SPMIP4: variants seen among roughly 807,000 people sequenced by gnomAD.
The protein encoded by SPMIP4 is sperm-associated microtubule inner protein 4.
At chr7:25,131,248 G>A in the SPMIP4 span, among the ~76,000 whole-genome samples, 1 of 152,304 alleles carries the variant, frequency 6.6e-6, no homozygotes, top group Admixed American at 6.5e-5. This position sits in a 1 kb window ranked among gnomAD's most constrained non-coding sequence, Gnocchi z 4.2. Context: ...GGACCATCTA[G>A]ATGCAAGAAA....
At chr7:25,127,533 C>A in the SPMIP4 span, among the ~76,000 whole-genome samples, 1 of 152,102 alleles carries the variant, frequency 6.6e-6, no homozygotes. Context: ...CTGCTAGATT[C>A]TTTTTAATTG....
At chr7:25,171,292 C>G in the SPMIP4 span, among the ~76,000 whole-genome samples, 3 of 152,154 alleles carry the variant, frequency 2.0e-5, no homozygotes. Context: ...TCTACTGGCT[C>G]ACTGTTGTAA....
chr7:25,128,506 T>C, the SPMIP4 span, among the ~76,000 whole-genome samples: 2 of 152,248 alleles, frequency 1.3e-5, no homozygotes, highest in Non-Finnish European at 2.9e-5. The surrounding 1 kb of genome is among the most constrained non-coding windows in gnomAD (Gnocchi z 4.5). Context: ...TAGTACTTCC[T>C]GGCTATGCCA....
the SPMIP4 span, among the ~76,000 whole-genome samples, chr7:25,164,379 C>G: frequency 6.6e-6 from 1 of 152,116 alleles, no homozygotes; most frequent in South Asian, 2.1e-4. Context: ...GGATATTACA[C>G]AATGATGGGG....
chr7:25,137,626 T>C, the SPMIP4 span, among the ~76,000 whole-genome samples: 2 of 152,182 alleles, frequency 1.3e-5, no homozygotes, highest in African/African-American at 2.4e-5. Flanking sequence ...TTAGTGTCCC[T>C]TGGCTTGTAG....
chr7:25,168,708 T>C, the SPMIP4 span, among the ~76,000 whole-genome samples: 4 of 151,314 alleles, frequency 2.6e-5, no homozygotes, highest in Non-Finnish European at 5.9e-5. Flanking sequence ...TCAGTTATAG[T>C]GTGTTTATTT....
chr7:25,126,842 T>C, the SPMIP4 span, among the ~76,000 whole-genome samples: 10 of 152,218 alleles, frequency 6.6e-5, no homozygotes, highest in African/African-American at 2.4e-4. Context: ...ACTGAGGAAC[T>C]CCCTTTAGCA....
At chr7:25,127,584 TC>T in the SPMIP4 span, among the ~76,000 whole-genome samples, 1 of 152,254 alleles carries the variant, frequency 6.6e-6, no homozygotes, top group Non-Finnish European at 1.5e-5. Flanking sequence ...ATTCTGAATT[TC>T]TTCTCTGTGT....
chr7:25,179,538 G>A, the SPMIP4 span: 1 of 384,620 alleles, frequency 2.6e-6, no homozygotes, highest in East Asian at 4.1e-5. Flanking sequence ...CAAAGTGGAC[G>A]GTGCCTCCAA....
chr7:25,161,386 G>A, the SPMIP4 span: 1 of 458,088 alleles, frequency 2.2e-6, no homozygotes, highest in Non-Finnish European at 3.9e-6. Flanking sequence ...ATATGAAAAG[G>A]TGTCATTTTA....
chr7:25,155,923 A>G, the SPMIP4 span, among the ~76,000 whole-genome samples: 4 of 152,348 alleles, frequency 2.6e-5, no homozygotes, highest in East Asian at 7.7e-4. Context: ...AAGAAAATTA[A>G]GCAGAAAAAA....
the SPMIP4 span, chr7:25,168,201 CAG>C: frequency 7.1e-6 from 8 of 1,128,644 alleles, no homozygotes; most frequent in Non-Finnish European, 5.1e-6. Context: ...AGTTTGAAGA[CAG>C]ATTTAAGCAA....
At chr7:25,137,792 T>C in the SPMIP4 span, among the ~76,000 whole-genome samples, 1 of 152,154 alleles carries the variant, frequency 6.6e-6, no homozygotes, top group South Asian at 2.1e-4. Flanking sequence ...ATGACCCTAT[T>C]TCCAAATAAG....
the SPMIP4 span, chr7:25,135,522 T>C: frequency 9.1e-6 from 9 of 984,850 alleles, no homozygotes; most frequent in African/African-American, 3.5e-5. Context: ...AATGCTACTA[T>C]GTACAAAAAT....
the SPMIP4 span, among the ~76,000 whole-genome samples, chr7:25,140,740 A>G: frequency 2.1e-5 from 3 of 146,320 alleles, no homozygotes; most frequent in African/African-American, 7.7e-5. Flanking sequence ...GGCGCCCACC[A>G]CCACGCCCGG....
At chr7:25,131,898 A>G in the SPMIP4 span, among the ~76,000 whole-genome samples, 26 of 152,220 alleles carry the variant, frequency 1.7e-4, no homozygotes, top group Admixed American at 8.5e-4. This position sits in a 1 kb window ranked among gnomAD's most constrained non-coding sequence, Gnocchi z 4.2. Context: ...TCAGGAGCAC[A>G]GCTGACACCC....
At chr7:25,178,763 G>A in the SPMIP4 span, among the ~76,000 whole-genome samples, 4 of 151,902 alleles carry the variant, frequency 2.6e-5, no homozygotes, top group Admixed American at 6.5e-5. Flanking sequence ...GCCCCGGCCC[G>A]GCGCAGTGGT....
the SPMIP4 span, among the ~76,000 whole-genome samples, chr7:25,130,420 C>G: frequency 2.7e-5 from 4 of 148,716 alleles, no homozygotes; most frequent in Non-Finnish European, 5.9e-5. Flanking sequence ...TCAAGAGATT[C>G]TCCTGCCTCA....
chr7:25,133,805 A>G, the SPMIP4 span, among the ~76,000 whole-genome samples: 1 of 152,212 alleles, frequency 6.6e-6, no homozygotes, highest in Non-Finnish European at 1.5e-5. Context: ...GTGTTTTGCT[A>G]ATGTGTACTA....
Sources: allele counts gnomAD v4.1 joint callset (sites outside exome capture counted in the v4.1 genomes callset), GRCh38; gene constraint gnomAD v4.1.1; non-coding constraint Gnocchi (gnomAD v3.1); transcripts MANE v1.5; gene names NCBI Gene and HGNC (gene_info 2026-07-23, HGNC 2026-07-21).